The following CBY2 variants were observed in gnomAD, a reference collection of about 807,000 sequenced individuals.
The protein encoded by CBY2 is protein chibby homolog 2.
In CBY2, 23 loss-of-function variants were observed where a neutral mutation model predicts 25.3. The observed-to-expected ratio is 0.91, with a 90% CI of 0.65 to 1.29. The LOEUF (loss-of-function observed/expected upper bound fraction) is 1.29. Among genes scored for constraint, CBY2 ranks in the 50% most tolerant of loss-of-function variants. CBY2 has a pLI of 0.00. For missense variants in CBY2, 642 were observed against 590.7 expected (o/e 1.09, Z -0.90); for synonymous variants, 279 against 260.2 (o/e 1.07, Z -0.70).
Position 45,713,197 on chromosome 13 carries a change from C to T in CBY2, c.172C>T (p.Pro58Ser), listed in dbSNP as rs138512537. 5.0e-6 allele frequency: 8 copies of T among 1,611,830 alleles called. No homozygotes were observed. The highest frequency in any genetic ancestry group is 6.8e-6 in the Non-Finnish European group (8 of 1,178,858). The change falls in exon 3 of 3, where the codon CCC becomes TCC. Residue 58 changes from proline (P) to serine (S), a missense_variant. Transcript: ENST00000310521. The surrounding 1 kb of genome is among the most constrained non-coding windows in gnomAD (Gnocchi z 5.0). ...TCTCCCGCAGAGGGGCACAGCCGAACCCTTCCCGAGGCTCCACAACTTGTA... is the reference window on the plus strand; with the variant it reads ...TCTCCCGCAGAGGGGCACAGCCGAATCCTTCCCGAGGCTCCACAACTTGTA... ...VVLPQRGTAE[P>S]FPRLHNLYST...
At chr13:45,708,062 C>G (rs751770316) in intron 2 of CBY2, among the ~76,000 whole-genome samples, 1 of 152,288 alleles carries the variant, frequency 6.6e-6, no homozygotes. Context: ...ACAACAAACC[C>G]TCTGAGAGAA....
At chr13:45,712,700 T>C (rs1325172229) in intron 2 of CBY2, among the ~76,000 whole-genome samples, 3 of 152,174 alleles carry the variant, frequency 2.0e-5, no homozygotes. Context: ...CTGTTAAAAA[T>C]GGCTTCTGTA....
rs1368022564 is a variant in CBY2, at chr13:45,714,507, C to G, written c.*135C>G. ...TTGAAAAGCAGCGTTAGCAGCCTTC[C>G]TAAACTCAGAGTTTTAATAAAGGTG... On this transcript the variant is annotated 3_prime_UTR_variant, in exon 3 of 3. Transcript: ENST00000310521. The G allele has an allele frequency of 6.8e-6, 5 of 736,332 alleles. No individual in the cohort carries two copies. Among genetic ancestry groups the G allele is most frequent in the Non-Finnish European group, 1.1e-5 (5 of 469,958 alleles). 45.6% of individuals were successfully genotyped at this position (736,332 alleles called of 1,614,324 possible).
At position 45,714,334 on chromosome 13, in the gene CBY2, G is replaced by C; in HGVS notation, c.1309G>C (p.Ala437Pro). 6.2e-7 allele frequency: 1 copy of C among 1,611,070 alleles called. No homozygotes were observed. The highest frequency in any genetic ancestry group is 1.1e-5 in the South Asian group (1 of 90,422). ...LIEELYAFMP[A>P]RSQDPKKPSR... The stretch of plus-strand genomic sequence containing the variant: ...CGAGGAGCTCTACGCCTTCATGCCG[G>C]CCAGGAGCCAGGACCCCAAGAAGCC... The change falls in exon 3 of 3, where the codon GCC becomes CCC. Residue 437 changes from alanine to proline, a missense_variant. Physicochemically the swap from Ala to Pro is conservative, Grantham distance 27. Transcript: ENST00000310521.
At chr13:45,711,286 A>C (rs1256440136) in intron 2 of CBY2, among the ~76,000 whole-genome samples, 1 of 152,064 alleles carries the variant, frequency 6.6e-6, no homozygotes, top group African/African-American at 2.4e-5. Context: ...TTTTGCATTC[A>C]TTATCTCATT....
In CBY2 at chr13:45,702,858, A is replaced by AGGGATAATCT; in HGVS notation, c.156+12_156+13insTGGGATAATC. On this transcript the variant is annotated splice_donor_region_variant and intron_variant, in intron 2 of 2. Coordinates refer to ENST00000310521, the MANE Select transcript of CBY2 (RefSeq NM_152719.3). ...CAATCAGTGTGGTTCTACCTCAGGT[A>AGGGATAATCT]GGGATAATCACAGAAGGATGTAACC... is the stretch of plus-strand genomic sequence containing the variant. 6.2e-7 allele frequency: 1 copy of AGGGATAATCT among 1,606,404 alleles called. No homozygotes were observed. Among genetic ancestry groups the AGGGATAATCT allele is most frequent in the African/African-American group, 1.3e-5 (1 of 74,862 alleles).
intron 2 of CBY2, chr13:45,703,067 C>T: frequency 4.6e-6 from 6 of 1,315,146 alleles, no homozygotes; most frequent in Non-Finnish European, 3.9e-6. Flanking sequence ...AATGAGGTGG[C>T]TGGGTCAGAT....
Position 45,714,123 on chromosome 13 carries a change from G to T in CBY2, c.1098G>T (p.Leu366=), listed in dbSNP as rs1050202479. The T allele has an allele frequency of 2.5e-6, 4 of 1,578,064 alleles. No homozygotes were observed. Among genetic ancestry groups the T allele is most frequent in the Non-Finnish European group, 3.4e-6 (4 of 1,161,116 alleles). ...TGCTGAGAGAGATGAGGCAGGCGCTGCAGGCCCTGCTCAAGGAGAACCGGC... is the reference window on the plus strand; with the variant it reads ...TGCTGAGAGAGATGAGGCAGGCGCTTCAGGCCCTGCTCAAGGAGAACCGGC... ...LQLLREMRQA[L]QALLKENRLL... Residue 366 remains leucine (L), a synonymous_variant, in exon 3 of 3, where the codon CTG becomes CTT. Coordinates refer to ENST00000310521, the MANE Select transcript of CBY2 (RefSeq NM_152719.3).
At position 45,704,251 on chromosome 13, in the gene CBY2, G is replaced by T. The variant is rs920383841; in HGVS notation, c.156+1396G>T. Among the ~76,000 whole-genome samples, 1 of 152,122 alleles carries T rather than the reference G, an allele frequency of 6.6e-6. No individual in the cohort carries two copies. The highest frequency in any genetic ancestry group is 2.4e-5 in the African/African-American group (1 of 41,428). The stretch of plus-strand genomic sequence containing the variant: ...TCCCAGAAACAGCCCAACGATCAAG[G>T]AGAAGAGAAGGTGGTTTAAGACAGC... On this transcript the variant is annotated intron_variant, in intron 2 of 2. Coordinates refer to ENST00000310521, the MANE Select transcript of CBY2 (RefSeq NM_152719.3). The surrounding 1 kb of genome is among the most constrained non-coding windows in gnomAD (Gnocchi z 4.1).
In CBY2 at chr13:45,714,447, T is replaced by C. The variant is rs1165649354; in HGVS notation, c.*75T>C. 7 of 1,329,332 alleles carry C rather than the reference T, an allele frequency of 5.3e-6. No individual in the cohort carries two copies. The highest frequency in any genetic ancestry group is 5.1e-6 in the Non-Finnish European group (5 of 979,906). The allele number at this position is 1,329,332 out of a possible 1,614,324, so 82.3% of individuals were successfully genotyped here. On this transcript the variant is annotated 3_prime_UTR_variant, in exon 3 of 3. Transcript: ENST00000310521. ...CAAAAGAGAATCCCCTGCCTTCCTTTGTCGTCCTCGCCTTCCCCAGCCAGT... is the reference window on the plus strand; with the variant it reads ...CAAAAGAGAATCCCCTGCCTTCCTTCGTCGTCCTCGCCTTCCCCAGCCAGT...
intron 2 of CBY2, among the ~76,000 whole-genome samples, chr13:45,706,597 G>A (rs1292263008): frequency 1.3e-5 from 2 of 152,150 alleles, no homozygotes; most frequent in East Asian, 3.8e-4. Flanking sequence ...ATCTCTATGT[G>A]AGGGCATTTC....
intron 2 of CBY2, among the ~76,000 whole-genome samples, chr13:45,709,942 T>A (rs527251825): frequency 2.6e-5 from 4 of 152,332 alleles, no homozygotes; most frequent in African/African-American, 7.2e-5. Flanking sequence ...GAGCTAGTGC[T>A]GGTTATTTAA....
rs1470757762 is a variant in CBY2 at position 45,704,243 on chromosome 13, C to T, written c.156+1388C>T. On this transcript the variant is annotated intron_variant, in intron 2 of 2. Coordinates refer to ENST00000310521, the MANE Select transcript of CBY2 (RefSeq NM_152719.3). The surrounding 1 kb of genome is among the most constrained non-coding windows in gnomAD (Gnocchi z 4.1). ...TCCCCAGCTCCCAGAAACAGCCCAA[C>T]GATCAAGGAGAAGAGAAGGTGGTTT... Among the ~76,000 whole-genome samples the T allele has an allele frequency of 1.4e-4, 21 of 152,140 alleles. No homozygotes were observed. Among genetic ancestry groups the T allele is most frequent in the Non-Finnish European group, 2.9e-5 (2 of 68,034 alleles).
At chr13:45,705,734 T>A (rs997900412) in intron 2 of CBY2, among the ~76,000 whole-genome samples, 1 of 152,226 alleles carries the variant, frequency 6.6e-6, no homozygotes, top group Admixed American at 6.5e-5. Flanking sequence ...CTCAGCCTTG[T>A]CATCTCATAT....
intron 2 of CBY2, among the ~76,000 whole-genome samples, chr13:45,712,393 A>G (rs1950276043): frequency 6.6e-6 from 1 of 152,272 alleles, no homozygotes; most frequent in South Asian, 2.1e-4. Flanking sequence ...GGTTGACTCT[A>G]AAATGAATGC....
Position 45,713,466 on chromosome 13 carries a change from C to T in CBY2, c.441C>T (p.Phe147=). 6.2e-7 allele frequency: 1 copy of T among 1,614,236 alleles called. No individual in the cohort carries two copies. The highest frequency in any genetic ancestry group is 1.1e-5 in the South Asian group (1 of 91,084). Residue 147 remains phenylalanine, a synonymous_variant, in exon 3 of 3, where the codon TTC becomes TTT. Transcript: ENST00000310521. The surrounding 1 kb of genome is among the most constrained non-coding windows in gnomAD (Gnocchi z 5.0). ...ACTGCCGCCTGCAGTCTCCCTACTT[C>T]TCCCCATCCGCCTCCTTCCACCACA... The part of the protein sequence containing the change: ...NENCRLQSPY[F]SPSASFHHKL...
In CBY2 at chr13:45,712,486, T is replaced by G. The variant is rs1436821759; in HGVS notation, c.157-696T>G. 2.0e-5 allele frequency among the ~76,000 whole-genome samples: 3 copies of G among 152,204 alleles called. No homozygotes were observed. In the East Asian group the frequency reaches 5.8e-4, roughly 29 times the overall value. ...ATTTGCCTACTTGCTAAAATGTGTA[T>G]CCACCAAATCAATACTTGTAGCACT... On this transcript the variant is annotated intron_variant, in intron 2 of 2. Transcript: ENST00000310521.
chr13:45,714,064 C>A lies in CBY2; in HGVS notation c.1039C>A (p.Pro347Thr). 3 of 1,515,404 alleles carry A rather than the reference C, an allele frequency of 2.0e-6. No homozygotes were observed. The highest frequency in any genetic ancestry group is 1.3e-5 in the South Asian group (1 of 78,326). 93.9% of individuals were successfully genotyped at this position (1,515,404 alleles called of 1,614,324 possible). A position where few individuals can be genotyped will look rare whatever the true frequency, so the allele number is the denominator to read the frequency against. ...CGGGGAGGAGGAGGCCAAGGTGGGCCCGGGCCTGCCCGACGGCTGCCAGCC... is the reference window on the plus strand; with the variant it reads ...CGGGGAGGAGGAGGCCAAGGTGGGCACGGGCCTGCCCGACGGCTGCCAGCC... ...PSGEEEAKVG[P>T]GLPDGCQPLQ... The change falls in exon 3 of 3, where the codon CCG becomes ACG. Residue 347 changes from proline to threonine, a missense_variant. Transcript: ENST00000310521.
intron 2 of CBY2, among the ~76,000 whole-genome samples, chr13:45,711,607 A>T (rs61953022): frequency 0.24 from 36,370 of 152,048 alleles, 5,482 homozygotes; most frequent in African/African-American, 0.42. Flanking sequence ...GCAGCCAGGA[A>T]CACCTGAAGG....
Sources: allele counts gnomAD v4.1 joint callset (sites outside exome capture counted in the v4.1 genomes callset), GRCh38; gene constraint gnomAD v4.1.1; non-coding constraint Gnocchi (gnomAD v3.1); transcripts MANE v1.5; gene names NCBI Gene and HGNC (gene_info 2026-07-23, HGNC 2026-07-21).